Variants in NCKAP1 observed in about 807,000 individuals in gnomAD.
NCKAP1 encodes the protein nck-associated protein 1.
A neutral mutation model predicts 151.2 loss-of-function variants in NCKAP1; 21 were observed. That is an observed-to-expected ratio of 0.14 (90% confidence interval 0.10 to 0.20). NCKAP1 has a LOEUF of 0.20. Ranked by LOEUF, NCKAP1 falls within the 10% of genes least tolerant of loss-of-function variation. NCKAP1 has a pLI of 1.00. For synonymous variants in NCKAP1, 484 were observed against 451.8 expected (o/e 1.07, Z -0.90); for missense variants, 933 against 1,352.1 (o/e 0.69, Z 4.86).
In NCKAP1 at chr2:182,948,784, T is replaced by G. The variant is rs144670191; in HGVS notation, c.2601+3621A>C. On this transcript the variant is annotated intron_variant, in intron 23 of 30. Coordinates refer to ENST00000361354, the MANE Select transcript of NCKAP1 (RefSeq NM_013436.5). ...ACAATTCATCTGATTGCAAGTTGAT[T>G]GTGAAAACAGTATGGCATAGCTACC... Among the ~76,000 whole-genome samples the G allele has an allele frequency of 8.9e-3, 1,351 of 152,346 alleles. 13 individuals carry two copies. Among genetic ancestry groups the G allele is most frequent in the African/African-American group, 0.018 (747 of 41,582 alleles).
At chr2:183,029,529 A>G (rs1372005617) in intron 1 of NCKAP1, among the ~76,000 whole-genome samples, 1 of 151,248 alleles carries the variant, frequency 6.6e-6, no homozygotes, top group Non-Finnish European at 1.5e-5. Context: ...CAATCAAGAC[A>G]CCAAAAAAAA....
intron 26 of NCKAP1, among the ~76,000 whole-genome samples, chr2:182,931,284 C>T (rs774974538): frequency 5.3e-5 from 8 of 151,796 alleles, no homozygotes; most frequent in African/African-American, 1.7e-4. Flanking sequence ...TTTCTAATAA[C>T]GAAAGTAATT....
In NCKAP1 at chr2:183,038,133, C is replaced by T; in HGVS notation, c.-34G>A. 6.7e-7 allele frequency: 1 copy of T among 1,489,848 alleles called. No individual in the cohort carries two copies. Among genetic ancestry groups the T allele is most frequent in the Non-Finnish European group, 8.9e-7 (1 of 1,121,006 alleles). 92.3% of individuals were successfully genotyped at this position (1,489,848 alleles called of 1,614,324 possible). A position where few individuals can be genotyped will look rare whatever the true frequency, so the allele number is the denominator to read the frequency against. ...TGGTGCCGCCGCCGCCGCCGGCCGC[C>T]TCGCGCCCAGTCACGGGCCCGCGGC... On this transcript the variant is annotated 5_prime_UTR_variant, in exon 1 of 31. Coordinates refer to ENST00000361354, the MANE Select transcript of NCKAP1 (RefSeq NM_013436.5).
rs540406590 is a variant in NCKAP1, at chr2:183,007,948, C to T, written c.220-4623G>A. On this transcript the variant is annotated intron_variant, in intron 2 of 30. Transcript: ENST00000361354. ...GTTTTTGTTTTCTTTTTTTTTGAGA[C>T]GGAGTTTGGCTCTTGTTGCCCAGGC... Among the ~76,000 whole-genome samples, 8 of 152,008 alleles carry T rather than the reference C, an allele frequency of 5.3e-5. No homozygotes were observed. In the East Asian group the frequency reaches 5.8e-4, roughly 11 times the overall value.
At chr2:183,015,719 GCA>G (rs1434400757) in intron 2 of NCKAP1, among the ~76,000 whole-genome samples, 1 of 151,238 alleles carries the variant, frequency 6.6e-6, no homozygotes, top group Non-Finnish European at 1.5e-5. Context: ...TCCAAACCAA[GCA>G]CTTAGGCCTT....
intron 16 of NCKAP1, among the ~76,000 whole-genome samples, chr2:182,965,449 A>G (rs2105837104): frequency 6.6e-6 from 1 of 152,078 alleles, no homozygotes; most frequent in African/African-American, 2.4e-5. Flanking sequence ...TCGGCCTCCC[A>G]TGGTGCTGAA....
intron 24 of NCKAP1, among the ~76,000 whole-genome samples, chr2:182,938,100 A>G (rs1696917771): frequency 6.6e-6 from 1 of 152,256 alleles, no homozygotes; most frequent in Admixed American, 6.5e-5. Flanking sequence ...CCAATAATTT[A>G]CATGCTTAAC....
intron 1 of NCKAP1, among the ~76,000 whole-genome samples, chr2:183,029,460 C>CA (rs879304018): frequency 1.2e-3 from 159 of 135,968 alleles, no homozygotes; most frequent in Middle Eastern, 7.8e-3. Context: ...ACCATGATGC[C>CA]AAAAAAAAAA....
chr2:182,925,816 A>C lies in NCKAP1; in HGVS notation c.3273T>G (p.Ile1091Met). 1.3e-6 allele frequency: 2 copies of C among 1,500,460 alleles called. No homozygotes were observed. The highest frequency in any genetic ancestry group is 2.3e-5 in the Admixed American group (1 of 42,922). 92.9% of individuals were successfully genotyped at this position (1,500,460 alleles called of 1,614,324 possible). A position where few individuals can be genotyped will look rare whatever the true frequency, so the allele number is the denominator to read the frequency against. Residue 1091 changes from isoleucine to methionine, a missense_variant and splice_region_variant, in exon 31 of 31, where the codon ATT becomes ATG. By Grantham distance (10) the Ile-to-Met change is conservative. This residue lies in a region of NCKAP1 where 326 missense variants were observed against 557.1 expected (regional missense o/e 0.59). Coordinates refer to ENST00000361354, the MANE Select transcript of NCKAP1 (RefSeq NM_013436.5). ...RESVYLLLDM[I>M]VQESPFLTMD... ...TTGTAAGGAATGGAGATTCTTGTAC[A>C]ATCTGTAAAATTCAAAAAATCCATC...
chr2:182,997,997 A>C (rs1038871007), intron 6 of NCKAP1, among the ~76,000 whole-genome samples: 1 of 152,242 alleles, frequency 6.6e-6, no homozygotes, highest in African/African-American at 2.4e-5. Flanking sequence ...AGTGGGCTTT[A>C]TTCCTGGGAT....
intron 27 of NCKAP1, among the ~76,000 whole-genome samples, chr2:182,929,323 AT>A (rs903732954): frequency 3.9e-5 from 6 of 152,038 alleles, no homozygotes; most frequent in South Asian, 4.1e-4. Flanking sequence ...CACCAAAAAA[AT>A]CTTAATTACT....
At chr2:182,999,888 G>A (rs1168622825) in intron 6 of NCKAP1, among the ~76,000 whole-genome samples, 1 of 152,152 alleles carries the variant, frequency 6.6e-6, no homozygotes, top group Non-Finnish European at 1.5e-5. Flanking sequence ...TATCAAAAGA[G>A]ATTTAATGCA....
At chr2:182,930,857 T>TAAACTCTTC in intron 26 of NCKAP1, 69 bp from the exon 27 acceptor site, 1 of 1,356,478 alleles carries the variant, frequency 7.4e-7, no homozygotes, top group Non-Finnish European at 1.0e-6. Context: ...TCACTGTTTA[T>TAAACTCTTC]TAGAGTCTGC....
At chr2:183,020,991 T>C (rs1343443462) in intron 2 of NCKAP1, among the ~76,000 whole-genome samples, 1 of 152,062 alleles carries the variant, frequency 6.6e-6, no homozygotes, top group East Asian at 1.9e-4. Context: ...CAAAGAATAG[T>C]TGTAAAGGCA....
chr2:182,971,356 T>C (rs1469986376), intron 15 of NCKAP1, among the ~76,000 whole-genome samples: 4 of 130,876 alleles, frequency 3.1e-5, no homozygotes, highest in African/African-American at 1.2e-4. Context: ...ATCCCACCAC[T>C]GCACTCCAGC....
chr2:183,004,975 G>A (rs1349685209), intron 2 of NCKAP1, among the ~76,000 whole-genome samples: 1 of 151,906 alleles, frequency 6.6e-6, no homozygotes, highest in Non-Finnish European at 1.5e-5. Flanking sequence ...TATACTTGTA[G>A]TGACTATTTT....
intron 9 of NCKAP1, 56 bp downstream of exon 9, chr2:182,988,974 G>C (rs900441419): frequency 1.0e-4 from 153 of 1,491,034 alleles, no homozygotes; most frequent in Non-Finnish European, 1.1e-5. Context: ...CTTCAGTAAA[G>C]ATAACTCACT....
chr2:182,978,886 T>C lies in NCKAP1; in HGVS notation c.1371A>G (p.Ser457=), dbSNP rs774580327. The part of the protein sequence containing the change: ...QNLSVCPEDE[S]IIMSSFVNTM... ...TGTTAACAAAAGAGGACATGATGAT[T>C]GATTCATCTTCAGGGCAAACAGAAA... Residue 457 remains serine, a synonymous_variant, in exon 14 of 31, where the codon TCA becomes TCG. Transcript: ENST00000361354. 9 of 1,608,852 alleles carry C rather than the reference T, an allele frequency of 5.6e-6. No homozygotes were observed. In the South Asian group the frequency reaches 6.6e-5, roughly 12 times the overall value.
intron 1 of NCKAP1, among the ~76,000 whole-genome samples, chr2:183,033,076 A>T (rs114604286): frequency 1.3e-5 from 2 of 152,144 alleles, no homozygotes; most frequent in African/African-American, 2.4e-5. Flanking sequence ...TGCATTTAAC[A>T]CACCTAACCT....
Sources: gnomAD v4.1 joint callset for allele counts (sites outside exome capture counted in the v4.1 genomes callset) on GRCh38, gnomAD v4.1.1 for gene constraint, gnomAD v4.1.1 regional missense constraint, MANE v1.5 for transcripts, NCBI Gene and HGNC (gene_info 2026-07-23, HGNC 2026-07-21) for gene names.